The following PRR5L variants were observed in gnomAD, a reference collection of about 807,000 sequenced individuals.
The protein encoded by PRR5L is proline-rich protein 5-like.
PRR5L carries 21 observed loss-of-function variants against 36.4 expected under a neutral mutation model. The observed-to-expected ratio is 0.58, with a 90% CI of 0.41 to 0.83. The LOEUF is 0.83. PRR5L is among the 40% of genes least tolerant of loss of function. The pLI is 0.00. For synonymous variants in PRR5L, 188 were observed against 197.0 expected, an observed-to-expected ratio of 0.95 and a Z score of 0.38; for missense variants, 381 against 473.3, an observed-to-expected ratio of 0.80 and a Z score of 1.81.
intron 6 of PRR5L, among the ~76,000 whole-genome samples, chr11:36,443,055 T>C (rs1858756478): frequency 6.6e-6 from 1 of 152,230 alleles, no homozygotes; most frequent in Non-Finnish European, 1.5e-5. Context: ...TACAACGGAA[T>C]ACCTGAGACT....
Position 36,361,892 on chromosome 11 carries a change from G to C in PRR5L, c.-125-39105G>C, listed in dbSNP as rs563567030. 1.6e-4 allele frequency among the ~76,000 whole-genome samples: 25 copies of C among 152,166 alleles called. 1 individual carries two copies. The South Asian group carries it at 4.8e-3, about 29-fold the overall frequency. On this transcript the variant is annotated intron_variant, in intron 1 of 8. Coordinates refer to ENST00000530639, the MANE Select transcript of PRR5L (RefSeq NM_001160167.2). ...AGATCGCGAGCCTCTCTTCCCTCGA[G>C]GGGCTTGGGAGAGGTGATACAGACG...
intron 1 of PRR5L, among the ~76,000 whole-genome samples, chr11:36,339,733 G>T (rs1453696197): frequency 6.6e-6 from 1 of 152,200 alleles, no homozygotes; most frequent in African/African-American, 2.4e-5. Context: ...ACTATGGTAA[G>T]AAGGTGACTG....
Position 36,462,479 on chromosome 11 carries a change from T to C in PRR5L, c.850T>C (p.Cys284Arg). The change falls in exon 9 of 9, where the codon TGT becomes CGT. Residue 284 changes from cysteine to arginine, a missense_variant. Transcript: ENST00000530639. ...GGAGGGGGAAGCCTACCTGGAGAAG[T>C]GTGGCAGCGTGCGGCGGCACACGGT... is the stretch of plus-strand genomic sequence containing the variant. ...EQEGEAYLEK[C>R]GSVRRHTVAN... 6.2e-7 allele frequency: 1 copy of C among 1,608,712 alleles called. No homozygotes were observed. The highest frequency in any genetic ancestry group is 2.2e-5 in the East Asian group (1 of 44,816).
At chr11:36,455,058 C>A (rs1191532598) in intron 8 of PRR5L, among the ~76,000 whole-genome samples, 1 of 152,230 alleles carries the variant, frequency 6.6e-6, no homozygotes, top group Non-Finnish European at 1.5e-5. Context: ...CAGCAGCACG[C>A]TCGACTTCTC....
chr11:36,440,762 C>T (rs895210125), intron 6 of PRR5L, among the ~76,000 whole-genome samples: 5 of 152,094 alleles, frequency 3.3e-5, no homozygotes, highest in Non-Finnish European at 7.4e-5. Flanking sequence ...AGTGTAGTTG[C>T]CAGCATCTGC....
intron 3 of PRR5L, among the ~76,000 whole-genome samples, chr11:36,418,496 C>A (rs928807606): frequency 6.6e-6 from 1 of 152,120 alleles, no homozygotes; most frequent in African/African-American, 2.4e-5. Flanking sequence ...AAAATCTGTA[C>A]AGGAAGAATA....
At chr11:36,350,655 G>A (rs1271567528) in intron 1 of PRR5L, among the ~76,000 whole-genome samples, 1 of 151,554 alleles carries the variant, frequency 6.6e-6, no homozygotes, top group Non-Finnish European at 1.5e-5. Flanking sequence ...AGTGTACACT[G>A]TACCCAATGT....
At chr11:36,462,286 T>G in intron 8 of PRR5L, 56 bp from the exon 9 acceptor site, 1 of 1,453,078 alleles carries the variant, frequency 6.9e-7, no homozygotes, top group South Asian at 1.6e-5. Flanking sequence ...ATTAGGAGCT[T>G]TTAAGCACCA....
intron 4 of PRR5L, among the ~76,000 whole-genome samples, chr11:36,428,952 T>C (rs1448116828): frequency 1.3e-5 from 2 of 152,364 alleles, no homozygotes; most frequent in South Asian, 4.1e-4. Context: ...GTCTAAGCTA[T>C]AGAATTTCCA....
chr11:36,427,097 G>A lies in PRR5L; in HGVS notation c.295-4756G>A, dbSNP rs577709378. The stretch of plus-strand genomic sequence containing the variant: ...GTCTTTCCTGTCCACTGAAGACTGG[G>A]TGGTTTTAGACGCCTTTCCCCAAAC... On this transcript the variant is annotated intron_variant, in intron 4 of 8. Transcript: ENST00000530639. Among the ~76,000 whole-genome samples the A allele has an allele frequency of 2.0e-5, 3 of 152,282 alleles. No homozygotes were observed. In the South Asian group the frequency reaches 6.2e-4, roughly 32 times the overall value.
chr11:36,354,396 G>A (rs547570341), intron 1 of PRR5L, among the ~76,000 whole-genome samples: 9 of 152,276 alleles, frequency 5.9e-5, no homozygotes, highest in African/African-American at 2.2e-4. Context: ...AGCCTTTGGG[G>A]CAGTTATTTT....
chr11:36,368,813 G>T (rs1442408930), intron 1 of PRR5L, among the ~76,000 whole-genome samples: 1 of 152,142 alleles, frequency 6.6e-6, no homozygotes, highest in African/African-American at 2.4e-5. Context: ...TAAAATATGT[G>T]ATGGTTTTAC....
At chr11:36,431,703 A>G in intron 4 of PRR5L, 150 bp from the exon 5 acceptor site, 1 of 633,292 alleles carries the variant, frequency 1.6e-6, no homozygotes, top group Admixed American at 2.7e-5. Context: ...TTAACCTTCC[A>G]AGAGGAAAAA....
intron 1 of PRR5L, among the ~76,000 whole-genome samples, chr11:36,301,771 T>A (rs1856379694): frequency 6.6e-6 from 1 of 152,122 alleles, no homozygotes; most frequent in Non-Finnish European, 1.5e-5. Flanking sequence ...AAGAGAGAAT[T>A]GGAAAATGAC....
intron 1 of PRR5L, among the ~76,000 whole-genome samples, chr11:36,325,524 G>T (rs1361029989): frequency 6.6e-6 from 1 of 152,236 alleles, no homozygotes; most frequent in African/African-American, 2.4e-5. Flanking sequence ...GAATGCCTGG[G>T]TTTATATCCT....
chr11:36,334,892 G>A (rs1856753577), intron 1 of PRR5L, among the ~76,000 whole-genome samples: 1 of 150,578 alleles, frequency 6.6e-6, no homozygotes, highest in African/African-American at 2.5e-5. Flanking sequence ...AGGTTGCTAA[G>A]GAATAATTTT....
chr11:36,413,923 T>C (rs1858083916), intron 3 of PRR5L, among the ~76,000 whole-genome samples: 1 of 139,672 alleles, frequency 7.2e-6, no homozygotes. Context: ...CCATGTGTTC[T>C]CATTGTTCAA....
intron 1 of PRR5L, among the ~76,000 whole-genome samples, chr11:36,340,066 C>A (rs7128640): frequency 0.56 from 85,421 of 151,638 alleles, 25,363 homozygotes; most frequent in East Asian, 0.88. Context: ...CTGTGTACAG[C>A]TTTGATCTCA....
intron 1 of PRR5L, among the ~76,000 whole-genome samples, chr11:36,333,874 A>T (rs1223127988): frequency 6.6e-6 from 1 of 152,202 alleles, no homozygotes; most frequent in African/African-American, 2.4e-5. Context: ...GGTTTATTGT[A>T]TATAAAAAGT....
Sources: allele counts gnomAD v4.1 joint callset (sites outside exome capture counted in the v4.1 genomes callset), GRCh38; gene constraint gnomAD v4.1.1; transcripts MANE v1.5; gene names NCBI Gene and HGNC (gene_info 2026-07-23, HGNC 2026-07-21).